KIF19: variants seen among roughly 807,000 people sequenced by gnomAD.
KIF19 encodes the protein kinesin family member 19.
Under a neutral mutation model 106.6 loss-of-function variants are expected in KIF19, and 98 were observed. The ratio of observed to expected loss-of-function variants is 0.92; its 90% CI spans 0.78 to 1.09. KIF19 has a LOEUF of 1.09. KIF19 is among the 50% of genes least tolerant of loss of function. The pLI, the probability that KIF19 is intolerant of heterozygous loss-of-function variation, is 0.00. For synonymous variants in KIF19, 516 were observed against 584.2 expected (o/e 0.88, Z 1.68); for missense variants, 1,373 against 1,414.3 (o/e 0.97, Z 0.47).
intron 10 of KIF19, 66 bp from the exon 11 acceptor site, chr17:74,350,325 GGGGCCCAGGT>G (rs1268331289): frequency 7.3e-7 from 1 of 1,375,344 alleles, no homozygotes; most frequent in African/African-American, 1.4e-5. Context: ...AAGGAGGGGA[GGGGCCCAGGT>G]GGGCCCAGGC....
chr17:74,334,247 C>T (rs2054170141), intron 2 of KIF19, among the ~76,000 whole-genome samples: 1 of 152,064 alleles, frequency 6.6e-6, no homozygotes. Context: ...GTGCATAATC[C>T]TCTAGGTTGC....
intron 17 of KIF19, 71 bp from the exon 18 acceptor site, chr17:74,354,091 T>G (rs1043036948): frequency 6.7e-7 from 1 of 1,500,894 alleles, no homozygotes; most frequent in Non-Finnish European, 8.9e-7. Context: ...TACCCACGTC[T>G]GCCATGTCAG....
intron 2 of KIF19, among the ~76,000 whole-genome samples, chr17:74,330,448 TGG>T (rs1251969743): frequency 6.6e-6 from 1 of 152,208 alleles, no homozygotes; most frequent in African/African-American, 2.4e-5. Flanking sequence ...GCTGCTGGGT[TGG>T]CTCAGGAGAG....
At chr17:74,351,166 A>C (rs767679238) in intron 12 of KIF19, 5 of 514,628 alleles carry the variant, frequency 9.7e-6, no homozygotes, top group African/African-American at 1.9e-5. Flanking sequence ...AAGGACTCAA[A>C]AAATGGTAAC....
At chr17:74,338,451 G>A (rs2054276722) in intron 2 of KIF19, among the ~76,000 whole-genome samples, 1 of 151,426 alleles carries the variant, frequency 6.6e-6, no homozygotes, top group Non-Finnish European at 1.5e-5. Flanking sequence ...CCCGCACAAA[G>A]CCCCCGGTCC....
rs1453565357 is a variant in KIF19 at position 74,347,765 on chromosome 17, C to T, written c.925-12C>T. 3.8e-6 allele frequency: 6 copies of T among 1,587,326 alleles called. No individual in the cohort carries two copies. On this transcript the variant is annotated splice_polypyrimidine_tract_variant and intron_variant, in intron 8 of 19. Coordinates refer to ENST00000389916, the MANE Select transcript of KIF19 (RefSeq NM_153209.4). ...AGGCAGTCCCCACTGACCACAGCCA[C>T]CTCCCATCCAGGACTCTCTGGGAGG... is the stretch of plus-strand genomic sequence containing the variant.
chr17:74,352,982 C>A (rs1487343145), intron 15 of KIF19, 28 bp downstream of exon 15: 2 of 1,612,598 alleles, frequency 1.2e-6, no homozygotes, highest in Non-Finnish European at 1.7e-6. Context: ...TGCCCCAGCC[C>A]CCACCCTGTG....
At chr17:74,333,842 CTT>C (rs11306974) in intron 2 of KIF19, among the ~76,000 whole-genome samples, 14 of 143,964 alleles carry the variant, frequency 9.7e-5, no homozygotes, top group African/African-American at 3.4e-4. Flanking sequence ...AACTTCACTC[CTT>C]TTTTTTTTCT....
chr17:74,355,232 T>C lies in KIF19; in HGVS notation c.2917T>C (p.Ser973Pro). 1 of 1,612,742 alleles carries C rather than the reference T, an allele frequency of 6.2e-7. No individual in the cohort carries two copies. The highest frequency in any genetic ancestry group is 8.5e-7 in the Non-Finnish European group (1 of 1,179,654). The stretch of plus-strand genomic sequence containing the variant: ...TGTTCCCCCCAACCCAGGTGGTGGT[T>C]CTCGACGGGCTACCCGTGGGCCCCG... ...LAVPPNPGGG[S>P]RRATRGPRLP... Residue 973 changes from serine (S) to proline (P), a missense_variant, in exon 20 of 20, where the codon TCT becomes CCT. Transcript: ENST00000389916.
chr17:74,352,886 T>C lies in KIF19; in HGVS notation c.2046T>C (p.Ser682=), dbSNP rs1022792434. The part of the protein sequence containing the change: ...TSLTPDSDLE[S]VKTLSSDAQH... ...TGACCCCAGATTCTGACCTGGAGAG[T>C]GTGAAGACATTGAGCTCTGATGCCC... Residue 682 remains serine, a synonymous_variant, in exon 15 of 20, where the codon AGT becomes AGC. Coordinates refer to ENST00000389916, the MANE Select transcript of KIF19 (RefSeq NM_153209.4). 3 of 1,613,450 alleles carry C rather than the reference T, an allele frequency of 1.9e-6. No homozygotes were observed. Among genetic ancestry groups the C allele is most frequent in the South Asian group, 1.1e-5 (1 of 91,064 alleles).
intron 2 of KIF19, among the ~76,000 whole-genome samples, chr17:74,337,984 C>T (rs1160147516): frequency 2.0e-5 from 3 of 152,238 alleles, no homozygotes; most frequent in African/African-American, 4.8e-5. Flanking sequence ...CCTCTTTAAG[C>T]GGGGATCGTG....
rs374205879 is a variant in KIF19 at position 74,345,161 on chromosome 17, C to A, written c.777+206C>A. Among the ~76,000 whole-genome samples the A allele has an allele frequency of 3.3e-5, 5 of 152,120 alleles. No homozygotes were observed. The South Asian group carries it at 8.3e-4, about 25-fold the overall frequency. On this transcript the variant is annotated intron_variant, in intron 7 of 19. Coordinates refer to ENST00000389916, the MANE Select transcript of KIF19 (RefSeq NM_153209.4). ...GCGAGGTGGAGGGGATGAGTGGAGACCCCCGGGTTAAGGAAGTGAGGAACG... is the reference window on the plus strand; with the variant it reads ...GCGAGGTGGAGGGGATGAGTGGAGAACCCCGGGTTAAGGAAGTGAGGAACG...
chr17:74,348,450 G>A (rs77434787), intron 9 of KIF19: 2,790 of 161,338 alleles, frequency 0.017, 33 homozygotes, highest in Non-Finnish European at 0.026. Context: ...TAAGCATGTC[G>A]GAACCCTTGC....
rs745532991 is a variant in KIF19, at chr17:74,350,999, C to A, written c.1587+94C>A. 1.9e-5 allele frequency: 25 copies of A among 1,321,630 alleles called. No homozygotes were observed. The African/African-American group carries it at 3.3e-4, about 17-fold the overall frequency. The allele number at this position is 1,321,630 out of a possible 1,614,324, so 81.9% of individuals were successfully genotyped here. ...GCGGAGGGGCCAGGGTGGGGGTAGCCGTGAGACTTGGGAACTCAGGCCACA... is the reference window on the plus strand; with the variant it reads ...GCGGAGGGGCCAGGGTGGGGGTAGCAGTGAGACTTGGGAACTCAGGCCACA... On this transcript the variant is annotated intron_variant, in intron 12 of 19. Coordinates refer to ENST00000389916, the MANE Select transcript of KIF19 (RefSeq NM_153209.4).
At chr17:74,328,226 T>C (rs1010484174) in intron 1 of KIF19, among the ~76,000 whole-genome samples, 199 bp from the exon 2 acceptor site, 3 of 152,124 alleles carry the variant, frequency 2.0e-5, no homozygotes, top group African/African-American at 7.2e-5. Context: ...AGGCCAGGGC[T>C]CCTGGGGAGA....
At chr17:74,349,043 T>G in intron 9 of KIF19, 141 bp from the exon 10 acceptor site, 1 of 743,382 alleles carries the variant, frequency 1.3e-6, no homozygotes, top group Non-Finnish European at 2.2e-6. Flanking sequence ...GACAGGAGGT[T>G]GTGGAAGTGG....
At chr17:74,337,950 G>C (rs372855019) in intron 2 of KIF19, among the ~76,000 whole-genome samples, 3 of 152,266 alleles carry the variant, frequency 2.0e-5, no homozygotes, top group Non-Finnish European at 4.4e-5. Context: ...GCTGGAGCCC[G>C]GACAGATGGA....
At position 74,326,284 on chromosome 17, in the gene KIF19, A is replaced by G; in HGVS notation, c.-66A>G. On this transcript the variant is annotated 5_prime_UTR_variant, in exon 1 of 20. Transcript: ENST00000389916. ...CTAGCAGCTGGCGGACGCGACCCGG[A>G]GGCGGTGGGGGTGCGGCTGAGCCAT... 6.7e-7 allele frequency: 1 copy of G among 1,486,198 alleles called. No homozygotes were observed. Among genetic ancestry groups the G allele is most frequent in the Non-Finnish European group, 9.1e-7 (1 of 1,100,936 alleles). The allele number at this position is 1,486,198 out of a possible 1,614,324, so 92.1% of individuals were successfully genotyped here.
Position 74,346,468 on chromosome 17 carries a change from A to G in KIF19, c.868A>G (p.Lys290Glu). 1.3e-6 allele frequency: 2 copies of G among 1,554,558 alleles called. No individual in the cohort carries two copies. The change falls in exon 8 of 20, where the codon AAG (lysine) becomes GAG (glutamate). Residue 290 changes from lysine (K) to glutamate (E), a missense_variant. Physicochemically the swap from Lys to Glu is moderately conservative, Grantham distance 56. Coordinates refer to ENST00000389916, the MANE Select transcript of KIF19 (RefSeq NM_153209.4). The surrounding 1 kb of genome is among the most constrained non-coding windows in gnomAD (Gnocchi z 4.6). Reference sequence around the variant, plus strand: ...CAACTGCATCAACGCCCTGAGCGACAAGGGTAGCAACAAGTACATCAACTA... The same window carrying G: ...CAACTGCATCAACGCCCTGAGCGACGAGGGTAGCAACAAGTACATCAACTA... The part of the protein sequence containing the change: ...LGNCINALSD[K>E]GSNKYINYRD...
Sources: gnomAD v4.1 joint callset for allele counts (sites outside exome capture counted in the v4.1 genomes callset) on GRCh38, gnomAD v4.1.1 for gene constraint, Gnocchi (gnomAD v3.1) non-coding constraint, MANE v1.5 for transcripts, NCBI Gene and HGNC (gene_info 2026-07-23, HGNC 2026-07-21) for gene names.